Variants in VWDE observed in about 807,000 individuals in gnomAD.
VWDE encodes the protein von Willebrand factor D and EGF domains.
A neutral mutation model predicts 178.4 loss-of-function variants in VWDE; 207 were observed. The ratio of observed to expected loss-of-function variants is 1.16; its 90% CI spans 1.04 to 1.30. The LOEUF is 1.30. VWDE is among the 50% of genes most tolerant of loss of function. VWDE has a pLI of 0.00. For missense variants in VWDE, 2,287 were observed against 1,901.3 expected, an observed-to-expected ratio of 1.20 and a Z score of -3.77; for synonymous variants, 738 against 651.4, an observed-to-expected ratio of 1.13 and a Z score of -2.02.
chr7:12,372,919 TG>T (rs1783286768), intron 10 of VWDE, 57 bp downstream of exon 10: 1 of 1,457,082 alleles, frequency 6.9e-7, no homozygotes, highest in Non-Finnish European at 9.3e-7. Flanking sequence ...TTAATAGAGA[TG>T]TTTATCTGAA....
intron 26 of VWDE, among the ~76,000 whole-genome samples, chr7:12,336,578 CA>C (rs1781045480): frequency 6.6e-6 from 1 of 152,044 alleles, no homozygotes; most frequent in Admixed American, 6.6e-5. Context: ...AAAAATGAAA[CA>C]TTTGAATAAA....
rs1427525891 is a variant in VWDE, at chr7:12,337,173, T to C, written c.4462+4A>G. Reference sequence around the variant, plus strand: ...GTTGACAAATACATTTAGTGATGTCTTACTTTTTTGGAATCTCCTACCAGT... The same window carrying C: ...GTTGACAAATACATTTAGTGATGTCCTACTTTTTTGGAATCTCCTACCAGT... On this transcript the variant is annotated splice_donor_region_variant and intron_variant, in intron 25 of 28. Transcript: ENST00000275358. 6.4e-7 allele frequency: 1 copy of C among 1,551,608 alleles called. No individual in the cohort carries two copies. The highest frequency in any genetic ancestry group is 8.7e-7 in the Non-Finnish European group (1 of 1,146,914).
Position 12,355,458 on chromosome 7 carries a change from A to T in VWDE, c.3745+653T>A, listed in dbSNP as rs551708517. Among the ~76,000 whole-genome samples, 12 of 152,150 alleles carry T rather than the reference A, an allele frequency of 7.9e-5. No individual in the cohort carries two copies. The South Asian group carries it at 1.9e-3, about 24-fold the overall frequency. Reference sequence around the variant, plus strand: ...CTGAAGAAAATTAGAAGACACATAAATATTCTGCTCAGTTCTACTGTATTG... The same window carrying T: ...CTGAAGAAAATTAGAAGACACATAATTATTCTGCTCAGTTCTACTGTATTG... On this transcript the variant is annotated intron_variant, in intron 18 of 28. Coordinates refer to ENST00000275358, the MANE Select transcript of VWDE (RefSeq NM_001135924.3).
chr7:12,350,427 A>G (rs571415574), intron 19 of VWDE, among the ~76,000 whole-genome samples: 70 of 151,882 alleles, frequency 4.6e-4, no homozygotes, highest in African/African-American at 1.6e-3. Flanking sequence ...TTTGATAAAT[A>G]ACATTTAAAA....
chr7:12,361,713 T>G (rs1470846450), intron 13 of VWDE, among the ~76,000 whole-genome samples, 192 bp from the exon 14 acceptor site: 1 of 152,132 alleles, frequency 6.6e-6, no homozygotes, highest in Admixed American at 6.6e-5. Flanking sequence ...GTTAATATGA[T>G]GCAAATTGCT....
At chr7:12,383,733 A>T in intron 3 of VWDE, 132 bp from the exon 4 acceptor site, 1 of 759,392 alleles carries the variant, frequency 1.3e-6, no homozygotes. Context: ...CTCTTATTTC[A>T]TAACATTTTT....
At chr7:12,377,318 GA>G (rs1321620194) in intron 7 of VWDE, among the ~76,000 whole-genome samples, 4 of 152,130 alleles carry the variant, frequency 2.6e-5, no homozygotes, top group Non-Finnish European at 5.9e-5. Context: ...GTTAGGGAGA[GA>G]AACTTGAAGG....
intron 1 of VWDE, among the ~76,000 whole-genome samples, chr7:12,402,285 A>G (rs966409934): frequency 2.0e-5 from 3 of 152,242 alleles, no homozygotes; most frequent in Admixed American, 6.5e-5. Context: ...ATCTGTGAAA[A>G]TGAAAAACCA....
At position 12,375,211 on chromosome 7, in the gene VWDE, G is replaced by C. The variant is rs1407050533; in HGVS notation, c.1041C>G (p.Gly347=). The part of the protein sequence containing the change: ...KTIGQGREHL[G]LNLALSSCHV... Reference sequence around the variant, plus strand: ...GACAGGAAGACAGTGCCAAATTTAAGCCTAGGTGCTCTCTACCTATTTAAT... The same window carrying C: ...GACAGGAAGACAGTGCCAAATTTAACCCTAGGTGCTCTCTACCTATTTAAT... The change falls in exon 8 of 29, where the codon GGC becomes GGG. Residue 347 remains glycine (G), a synonymous_variant. Transcript: ENST00000275358. 1.3e-6 allele frequency: 2 copies of C among 1,550,872 alleles called. No individual in the cohort carries two copies. The highest frequency in any genetic ancestry group is 2.4e-5 in the South Asian group (2 of 84,040).
chr7:12,342,237 G>T, intron 22 of VWDE, 83 bp from the exon 23 acceptor site: 1 of 976,268 alleles, frequency 1.0e-6, no homozygotes, highest in Non-Finnish European at 1.5e-6. Flanking sequence ...GCTCATAACT[G>T]CTAATCACAT....
At chr7:12,338,006 T>G (rs960335071) in intron 24 of VWDE, among the ~76,000 whole-genome samples, 1 of 152,104 alleles carries the variant, frequency 6.6e-6, no homozygotes, top group South Asian at 2.1e-4. Flanking sequence ...AATTTAAAAT[T>G]TAATTTCTTC....
At chr7:12,337,731 C>T (rs903937812) in intron 24 of VWDE, among the ~76,000 whole-genome samples, 1 of 152,122 alleles carries the variant, frequency 6.6e-6, no homozygotes, top group East Asian at 1.9e-4. Flanking sequence ...GAAGGCACAG[C>T]TTTATATGTG....
intron 12 of VWDE, among the ~76,000 whole-genome samples, chr7:12,368,729 G>A (rs942102391): frequency 6.6e-6 from 1 of 152,150 alleles, no homozygotes; most frequent in African/African-American, 2.4e-5. Flanking sequence ...GTCACCTGCT[G>A]CACAGAAATT....
chr7:12,353,426 GAC>G (rs1782054694), intron 18 of VWDE, among the ~76,000 whole-genome samples: 2 of 151,482 alleles, frequency 1.3e-5, no homozygotes, highest in East Asian at 3.9e-4. Flanking sequence ...ATTTTGGGGG[GAC>G]GCAGTTCTAT....
chr7:12,387,314 G>T (rs1440023), intron 3 of VWDE, among the ~76,000 whole-genome samples: 2,351 of 152,052 alleles, frequency 0.015, 66 homozygotes, highest in East Asian at 0.065. Flanking sequence ...TGAAATTGGA[G>T]TGTGTGTCAT....
chr7:12,345,079 T>C (rs911738693), intron 19 of VWDE, among the ~76,000 whole-genome samples: 2 of 152,070 alleles, frequency 1.3e-5, no homozygotes, highest in Non-Finnish European at 2.9e-5. Context: ...GTGGATAATA[T>C]GACACAGTTG....
chr7:12,374,023 A>C (rs1337191286), intron 9 of VWDE, among the ~76,000 whole-genome samples: 2 of 152,148 alleles, frequency 1.3e-5, no homozygotes, highest in Non-Finnish European at 2.9e-5. Context: ...TTTTTAAGCA[A>C]ACCACAACCA....
At chr7:12,376,444 G>T (rs2128557258) in intron 7 of VWDE, among the ~76,000 whole-genome samples, 1 of 152,146 alleles carries the variant, frequency 6.6e-6, no homozygotes, top group East Asian at 1.9e-4. Context: ...GAACATGCAT[G>T]CAAACTTCTA....
intron 28 of VWDE, among the ~76,000 whole-genome samples, chr7:12,331,992 G>A (rs1163741445): frequency 6.6e-6 from 1 of 151,918 alleles, no homozygotes; most frequent in African/African-American, 2.4e-5. Flanking sequence ...ACTATCTCAG[G>A]TTGCCTGAGG....
Sources: allele counts gnomAD v4.1 joint callset (sites outside exome capture counted in the v4.1 genomes callset), GRCh38; gene constraint gnomAD v4.1.1; transcripts MANE v1.5; gene names NCBI Gene and HGNC (gene_info 2026-07-23, HGNC 2026-07-21).